EXOC4: variants seen among roughly 807,000 people sequenced by gnomAD.
EXOC4 encodes exocyst complex component 4, also known as SEC8-like 1.
Under a neutral mutation model 107.2 loss-of-function variants are expected in EXOC4, and 71 were observed. The observed-to-expected ratio is 0.66, with a 90% CI of 0.55 to 0.81. The LOEUF is 0.81. Ranked by LOEUF, EXOC4 falls within the 30% of genes least tolerant of loss-of-function variation. EXOC4 has a pLI of 0.00. For synonymous variants in EXOC4, 456 were observed against 441.2 expected (o/e 1.03, Z -0.42); for missense variants, 1,108 against 1,189.6 (o/e 0.93, Z 1.01).
At chr7:133,538,977 T>G (rs1427891464) in intron 9 of EXOC4, among the ~76,000 whole-genome samples, 1 of 151,052 alleles carries the variant, frequency 6.6e-6, no homozygotes, top group Non-Finnish European at 1.5e-5. Flanking sequence ...TTTCTTAGTC[T>G]TCTTTATTGG....
intron 7 of EXOC4, among the ~76,000 whole-genome samples, chr7:133,449,721 T>TTTTGTGTGTGTG (rs1554454833): frequency 6.8e-6 from 1 of 147,890 alleles, no homozygotes; most frequent in African/African-American, 2.5e-5. Flanking sequence ...GAAAATACAT[T>TTTTGTGTGTGTG]TGTGTGTGTG....
At chr7:133,342,358 T>A (rs889973910) in intron 5 of EXOC4, among the ~76,000 whole-genome samples, 2 of 152,206 alleles carry the variant, frequency 1.3e-5, no homozygotes, top group Admixed American at 6.5e-5. Flanking sequence ...AGGCTAAATA[T>A]AGTACCTCAA....
chr7:133,975,189 CAAGTGATATTTTCATAA>C (rs912989113), intron 14 of EXOC4, among the ~76,000 whole-genome samples: 1 of 152,082 alleles, frequency 6.6e-6, no homozygotes, highest in African/African-American at 2.4e-5. Flanking sequence ...AAGGAAGAAG[CAAGTGATATTTTCATAA>C]AAGTATACTA....
At chr7:133,283,674 A>C (rs1794210620) in intron 2 of EXOC4, among the ~76,000 whole-genome samples, 1 of 152,202 alleles carries the variant, frequency 6.6e-6, no homozygotes, top group South Asian at 2.1e-4. Context: ...TTCAGAGTGC[A>C]GTGCAATGAG....
intron 7 of EXOC4, among the ~76,000 whole-genome samples, chr7:133,428,307 G>A (rs1255947376): frequency 2.0e-5 from 3 of 152,300 alleles, no homozygotes; most frequent in East Asian, 3.9e-4. Flanking sequence ...CACACTGAGC[G>A]TTAAGGAGTT....
chr7:133,358,112 G>A (rs1047234258), intron 6 of EXOC4, among the ~76,000 whole-genome samples: 1 of 152,026 alleles, frequency 6.6e-6, no homozygotes, highest in East Asian at 1.9e-4. Flanking sequence ...TGCTTGAACC[G>A]GGGAGGCGAA....
At chr7:133,971,313 T>G (rs1801215962) in intron 14 of EXOC4, among the ~76,000 whole-genome samples, 1 of 129,084 alleles carries the variant, frequency 7.7e-6, no homozygotes, top group Non-Finnish European at 1.6e-5. Context: ...TTGGCTCTTA[T>G]AAGAAATGTG....
the EXOC4 span, among the ~76,000 whole-genome samples, chr7:134,075,286 A>G: frequency 3.3e-5 from 5 of 152,312 alleles, no homozygotes; most frequent in Admixed American, 6.5e-5. Context: ...TTAGGTTCTC[A>G]ATATATCTTG....
the EXOC4 span, among the ~76,000 whole-genome samples, chr7:134,079,612 T>G: frequency 6.6e-6 from 1 of 152,096 alleles, no homozygotes; most frequent in Non-Finnish European, 1.5e-5. Flanking sequence ...GGTGCCTGAG[T>G]CTGGTCTTTA....
chr7:133,904,880 C>A (rs1799533426), intron 12 of EXOC4, among the ~76,000 whole-genome samples: 1 of 152,146 alleles, frequency 6.6e-6, no homozygotes, highest in African/African-American at 2.4e-5. Flanking sequence ...TTCCTCTCTT[C>A]CCATTTATTG....
chr7:133,875,757 T>C (rs60017847), intron 11 of EXOC4, among the ~76,000 whole-genome samples: 24,938 of 152,160 alleles, frequency 0.16, 2,524 homozygotes, highest in African/African-American at 0.28. Context: ...TTGGCCTCAC[T>C]AGTCCCACCA....
chr7:133,610,785 C>T (rs1802058356), intron 9 of EXOC4, among the ~76,000 whole-genome samples: 1 of 151,286 alleles, frequency 6.6e-6, no homozygotes, highest in Non-Finnish European at 1.5e-5. Context: ...TTACTAAGAA[C>T]TTAACACCAA....
At chr7:133,997,332 C>G (rs1322175294) in intron 14 of EXOC4, among the ~76,000 whole-genome samples, 160 bp from the exon 15 acceptor site, 1 of 152,164 alleles carries the variant, frequency 6.6e-6, no homozygotes, top group Non-Finnish European at 1.5e-5. Context: ...TATGTGTAAT[C>G]AAATATAGAA....
At chr7:133,872,728 A>G (rs550658209) in intron 11 of EXOC4, among the ~76,000 whole-genome samples, 1 of 152,220 alleles carries the variant, frequency 6.6e-6, no homozygotes, top group Non-Finnish European at 1.5e-5. Flanking sequence ...GAATCATTAG[A>G]ATGTGTTTCC....
rs1444584590 is a variant in EXOC4, at chr7:133,462,818, G to A, written c.1183-12510G>A. ...CCTTTGGGAGTTATTTAAGAAACAG[G>A]AAATAAAACTTTAGTTTAATCAACT... On this transcript the variant is annotated intron_variant, in intron 7 of 17. Transcript: ENST00000253861. Among the ~76,000 whole-genome samples the A allele has an allele frequency of 2.0e-5, 3 of 152,206 alleles. No homozygotes were observed. In the East Asian group the frequency reaches 5.8e-4, roughly 29 times the overall value.
intron 7 of EXOC4, among the ~76,000 whole-genome samples, chr7:133,458,869 A>G (rs541989835): frequency 0.018 from 643 of 35,060 alleles, 3 homozygotes; most frequent in Middle Eastern, 0.062. Context: ...TCCCACCCCC[A>G]CACCCCCGCC....
At chr7:133,407,931 G>A (rs1049450102) in intron 7 of EXOC4, among the ~76,000 whole-genome samples, 1 of 152,112 alleles carries the variant, frequency 6.6e-6, no homozygotes, top group Non-Finnish European at 1.5e-5. Context: ...TAAACCTGTG[G>A]TTAAAAATGG....
At chr7:134,093,972 A>G in the EXOC4 span, among the ~76,000 whole-genome samples, 3 of 152,208 alleles carry the variant, frequency 2.0e-5, no homozygotes, top group Non-Finnish European at 2.9e-5. Context: ...AAAAAGTTAT[A>G]AAGATCTCAA....
chr7:133,703,452 G>C (rs150308675), intron 10 of EXOC4, among the ~76,000 whole-genome samples: 1 of 152,272 alleles, frequency 6.6e-6, no homozygotes, highest in African/African-American at 2.4e-5. Flanking sequence ...ATTTCTGCTG[G>C]AGGATGAGCA....
Sources: allele counts gnomAD v4.1 joint callset (sites outside exome capture counted in the v4.1 genomes callset), GRCh38; gene constraint gnomAD v4.1.1; transcripts MANE v1.5; gene names NCBI Gene and HGNC (gene_info 2026-07-23, HGNC 2026-07-21).